ZFP1: variants seen among roughly 807,000 people sequenced by gnomAD.
ZFP1 encodes ZFP1 zinc finger protein.
In ZFP1, 32 loss-of-function variants were observed where a neutral mutation model predicts 38.5. That is an observed-to-expected ratio of 0.83 (90% CI 0.63 to 1.12). The LOEUF (loss-of-function observed/expected upper bound fraction) is 1.12, where lower values mean the gene tolerates loss of function less well. ZFP1 is among the 50% of genes most tolerant of loss of function. The pLI, the probability that ZFP1 is intolerant of heterozygous loss-of-function variation, is 0.00. For synonymous variants in ZFP1, 245 were observed against 168.8 expected (o/e 1.45, Z -3.50); for missense variants, 616 against 480.8 (o/e 1.28, Z -2.63).
chr16:75,140,535 A>G, the ZFP1 span, among the ~76,000 whole-genome samples: 1 of 152,354 alleles, frequency 6.6e-6, no homozygotes, highest in East Asian at 1.9e-4. Context: ...CCCAACTACA[A>G]TGTAAGCTCC....
the ZFP1 span, among the ~76,000 whole-genome samples, chr16:75,143,327 C>T: frequency 2.6e-4 from 40 of 151,886 alleles, 1 homozygote; most frequent in African/African-American, 8.5e-4. Context: ...CTGCCACCTC[C>T]GCCCCTCGAG....
In ZFP1 at chr16:75,170,040, C is replaced by T. The variant is rs755418588; in HGVS notation, c.930C>T (p.Asn310=). 2 of 1,614,018 alleles carry T rather than the reference C, an allele frequency of 1.2e-6. No homozygotes were observed. Among genetic ancestry groups the T allele is most frequent in the Non-Finnish European group, 1.7e-6 (2 of 1,180,038 alleles). Residue 310 remains asparagine, a synonymous_variant, in exon 4 of 4, where the codon AAC becomes AAT. Coordinates refer to ENST00000570010, the MANE Select transcript of ZFP1 (RefSeq NM_153688.4). ...CAAAAACCTTCTTTAAGAAGTCAAACCTTATCATACATCAGAAGATTCACA... is the reference window on the plus strand; with the variant it reads ...CAAAAACCTTCTTTAAGAAGTCAAATCTTATCATACATCAGAAGATTCACA... The part of the protein sequence containing the change: ...ECAKTFFKKS[N]LIIHQKIHTG...
the ZFP1 span, among the ~76,000 whole-genome samples, chr16:75,137,358 T>C: frequency 2.0e-5 from 3 of 151,880 alleles, no homozygotes; most frequent in Admixed American, 2.0e-4. Flanking sequence ...ACACCTGCAA[T>C]TTCAGCACTT....
chr16:75,126,165 T>C, the ZFP1 span: 1 of 152,206 alleles, frequency 6.6e-6, no homozygotes, highest in Non-Finnish European at 1.5e-5. Context: ...TTATTTACTT[T>C]TGTGAGACAG....
At position 75,153,528 on chromosome 16, in the gene ZFP1, C is replaced by G. The variant is rs961320274; in HGVS notation, c.15+562C>G. 2.0e-5 allele frequency among the ~76,000 whole-genome samples: 3 copies of G among 152,258 alleles called. No individual in the cohort carries two copies. In the South Asian group the frequency reaches 6.2e-4, roughly 32 times the overall value. On this transcript the variant is annotated intron_variant, in intron 2 of 3. Transcript: ENST00000570010. ...TCATACTGTTCTGTTTATATGCGTTCTGTTTTAATAGATTTCATTTTTTTT... is the reference window on the plus strand; with the variant it reads ...TCATACTGTTCTGTTTATATGCGTTGTGTTTTAATAGATTTCATTTTTTTT...
rs1442724076 is a variant in ZFP1, at chr16:75,169,915, G to A, written c.805G>A (p.Glu269Lys). Residue 269 changes from glutamate to lysine, a missense_variant, in exon 4 of 4, where the codon GAG becomes AAG. Physicochemically the swap from Glu to Lys is moderately conservative, Grantham distance 56 (BLOSUM62 1). Coordinates refer to ENST00000570010, the MANE Select transcript of ZFP1 (RefSeq NM_153688.4). ...AGCACATATGGAGAAGAAGCCCTAT[G>A]AGTGCAGTGAATGTGGAAAGACATT... The part of the protein sequence containing the change: ...QRAHMEKKPY[E>K]CSECGKTFAQ... 7 of 1,614,194 alleles carry A rather than the reference G, an allele frequency of 4.3e-6. No homozygotes were observed. The highest frequency in any genetic ancestry group is 3.4e-6 in the Non-Finnish European group (4 of 1,180,042).
At position 75,166,457 on chromosome 16, in the gene ZFP1, C is replaced by T. The variant is rs928827512; in HGVS notation, c.16-313C>T. The T allele has an allele frequency of 6.5e-6, 5 of 764,392 alleles. No individual in the cohort carries two copies. In the African/African-American group the frequency reaches 7.7e-5, roughly 12 times the overall value. The allele number at this position is 764,392 out of a possible 1,614,324, so 47.4% of individuals were successfully genotyped here. A position where few individuals can be genotyped will look rare whatever the true frequency, so the allele number is the denominator to read the frequency against. On this transcript the variant is annotated intron_variant, in intron 2 of 3. Transcript: ENST00000570010. ...TCCAGGCTGGTCTCGAACTCCCGAC[C>T]TCAAGTGATTCCCCCGCCCACCTAG...
upstream of ZFP1, among the ~76,000 whole-genome samples, chr16:75,146,197 C>G (rs2036942228): frequency 6.7e-6 from 1 of 150,334 alleles, no homozygotes; most frequent in Non-Finnish European, 1.5e-5. Context: ...GGGTCTCGCT[C>G]TGTCGCCCAG....
the ZFP1 span, among the ~76,000 whole-genome samples, chr16:75,120,576 GTTTT>G: frequency 6.6e-6 from 1 of 151,310 alleles, no homozygotes; most frequent in Admixed American, 6.6e-5. Flanking sequence ...TTACCCTTGG[GTTTT>G]TTTGTTTTTT....
chr16:75,120,877 A>G, the ZFP1 span, among the ~76,000 whole-genome samples: 1 of 151,910 alleles, frequency 6.6e-6, no homozygotes, highest in Non-Finnish European at 1.5e-5. Context: ...CGCCCGCCTC[A>G]GCCTCCCAAA....
At chr16:75,142,990 C>G in the ZFP1 span, among the ~76,000 whole-genome samples, 48 of 152,180 alleles carry the variant, frequency 3.2e-4, no homozygotes, top group African/African-American at 1.1e-3. Context: ...GCCTGAGCCA[C>G]TGCACCCAGT....
At chr16:75,120,168 C>CGT in the ZFP1 span, among the ~76,000 whole-genome samples, 1 of 151,864 alleles carries the variant, frequency 6.6e-6, no homozygotes, top group African/African-American at 2.4e-5. Flanking sequence ...TGCGCATGTG[C>CGT]GTGTGTGTGT....
At chr16:75,143,352 C>T in the ZFP1 span, among the ~76,000 whole-genome samples, 1 of 152,114 alleles carries the variant, frequency 6.6e-6, no homozygotes, top group African/African-American at 2.4e-5. Context: ...AGCAATCCTC[C>T]TGCCTCAGCC....
chr16:75,133,636 TG>T, the ZFP1 span, among the ~76,000 whole-genome samples: 1 of 152,266 alleles, frequency 6.6e-6, no homozygotes, highest in African/African-American at 2.4e-5. Flanking sequence ...ATTTTAATTT[TG>T]AGTGGCTATT....
chr16:75,164,237 G>A (rs981019978), intron 2 of ZFP1, among the ~76,000 whole-genome samples: 1 of 151,308 alleles, frequency 6.6e-6, no homozygotes, highest in Admixed American at 6.6e-5. Flanking sequence ...AAACCCTGAA[G>A]GTCTTAGTCT....
chr16:75,143,197 C>T, the ZFP1 span, among the ~76,000 whole-genome samples: 8 of 152,124 alleles, frequency 5.3e-5, no homozygotes, highest in Non-Finnish European at 7.3e-5. Flanking sequence ...TATGAGAAGA[C>T]ATCACACAAT....
chr16:75,166,561 A>G, intron 2 of ZFP1: 1 of 985,302 alleles, frequency 1.0e-6, no homozygotes, highest in Non-Finnish European at 1.2e-6. Flanking sequence ...ACACCTATCA[A>G]ATATGACAGT....
At chr16:75,130,782 T>C in the ZFP1 span, among the ~76,000 whole-genome samples, 6 of 152,022 alleles carry the variant, frequency 3.9e-5, no homozygotes, top group East Asian at 9.6e-4. Flanking sequence ...AATACTCACA[T>C]GAGTAAATCC....
At chr16:75,138,441 C>T in the ZFP1 span, among the ~76,000 whole-genome samples, 12 of 152,164 alleles carry the variant, frequency 7.9e-5, no homozygotes, top group African/African-American at 2.4e-4. Flanking sequence ...GACACACCTT[C>T]AGCAGGATGA....
Sources: gnomAD v4.1 joint callset for allele counts (sites outside exome capture counted in the v4.1 genomes callset) on GRCh38, gnomAD v4.1.1 for gene constraint, MANE v1.5 for transcripts, NCBI Gene and HGNC (gene_info 2026-07-23, HGNC 2026-07-21) for gene names.